The following SAMSN1 variants were observed in gnomAD, a reference collection of about 807,000 sequenced individuals.
The protein encoded by SAMSN1 is SAM domain-containing protein SAMSN-1.
SAMSN1 carries 31 observed loss-of-function variants against 42.0 expected under a neutral mutation model. The ratio of observed to expected loss-of-function variants is 0.74; its 90% CI spans 0.55 to 1.00. The LOEUF (loss-of-function observed/expected upper bound fraction) is 1.00. Among genes scored for constraint, SAMSN1 ranks in the 50% least tolerant of loss-of-function variants. The pLI, the probability that SAMSN1 is intolerant of heterozygous loss-of-function variation, is 0.00. For synonymous variants in SAMSN1, 178 were observed against 151.9 expected (o/e 1.17, Z -1.26); for missense variants, 464 against 439.4 (o/e 1.06, Z -0.50).
chr21:14,623,772 G>A lies in SAMSN1; in HGVS notation c.157-7756C>T, dbSNP rs150811203. Among the ~76,000 whole-genome samples the A allele has an allele frequency of 1.1e-3, 167 of 152,136 alleles. 2 individuals are homozygous for A. The highest frequency in any genetic ancestry group is 4.4e-3 in the East Asian group (23 of 5,180). ...AATTGAACTCAGCTCTGCACCAAGC[G>A]GGCCTAATAGACATCTACAGAACTC... On this transcript the variant is annotated intron_variant, in intron 2 of 15. Transcript: ENST00000647101.
At chr21:14,593,871 T>C (rs1043924099) in intron 7 of SAMSN1, 5 of 532,160 alleles carry the variant, frequency 9.4e-6, no homozygotes, top group Non-Finnish European at 1.7e-5. Flanking sequence ...CCTCTATTTA[T>C]GTTCTTTAGA....
chr21:14,524,002 C>T (rs906646637), intron 1 of SAMSN1, among the ~76,000 whole-genome samples: 1 of 152,074 alleles, frequency 6.6e-6, no homozygotes, highest in Non-Finnish European at 1.5e-5. Flanking sequence ...TGTTAAGACA[C>T]CCTTAAGAAG....
upstream of SAMSN1, among the ~76,000 whole-genome samples, chr21:14,550,781 C>G (rs1980568093): frequency 6.8e-6 from 1 of 147,742 alleles, no homozygotes; most frequent in Non-Finnish European, 1.5e-5. Flanking sequence ...AGGTTCCTTT[C>G]AAGTTGCTGA....
At chr21:14,497,728 C>T (rs1425868157) in intron 7 of SAMSN1, among the ~76,000 whole-genome samples, 1 of 152,058 alleles carries the variant, frequency 6.6e-6, no homozygotes, top group African/African-American at 2.4e-5. Flanking sequence ...CAAAATACTC[C>T]TTGCAGAGTT....
intron 2 of SAMSN1, chr21:14,619,717 TA>T (rs1024050194): frequency 3.6e-6 from 1 of 280,972 alleles, no homozygotes; most frequent in Admixed American, 4.6e-5. Context: ...AATACACACT[TA>T]TTTATTAAAA....
At chr21:14,658,439 A>T (rs948415660) in intron 1 of SAMSN1, among the ~76,000 whole-genome samples, 1 of 151,962 alleles carries the variant, frequency 6.6e-6, no homozygotes, top group Non-Finnish European at 1.5e-5. Flanking sequence ...ATTTTGTCTC[A>T]TAACAAATAG....
Position 14,491,577 on chromosome 21 carries a change from C to T in SAMSN1, c.920-5463G>A, listed in dbSNP as rs184331241. 9.3e-4 allele frequency among the ~76,000 whole-genome samples: 141 copies of T among 152,298 alleles called. 1 individual carries two copies. Among genetic ancestry groups the T allele is most frequent in the Non-Finnish European group, 7.1e-4 (48 of 68,014 alleles). ...AACCCTTATCTATCTAACCACTTCA[C>T]CCAATTAGCTAGCCTATTTCAAGCT... is the stretch of plus-strand genomic sequence containing the variant. On this transcript the variant is annotated intron_variant, in intron 7 of 7. Transcript: ENST00000400566.
At chr21:14,518,954 A>G (rs182047087) in intron 2 of SAMSN1, among the ~76,000 whole-genome samples, 2 of 152,268 alleles carry the variant, frequency 1.3e-5, no homozygotes, top group East Asian at 3.9e-4. Flanking sequence ...GTGTTACTCT[A>G]CCATTTCTAA....
At chr21:14,533,687 G>A (rs934915445) in intron 1 of SAMSN1, among the ~76,000 whole-genome samples, 4 of 152,186 alleles carry the variant, frequency 2.6e-5, no homozygotes, top group Admixed American at 2.6e-4. Flanking sequence ...AACCAAGCGA[G>A]CATTGATTTG....
intron 6 of SAMSN1, among the ~76,000 whole-genome samples, chr21:14,499,491 C>CAA (rs11301197): frequency 0.013 from 1,753 of 133,772 alleles, 10 homozygotes; most frequent in African/African-American, 0.024. Context: ...CCCTTTTTAA[C>CAA]AAAAAAAAAA....
chr21:14,522,172 G>A (rs1978536622), intron 1 of SAMSN1, among the ~76,000 whole-genome samples: 1 of 152,168 alleles, frequency 6.6e-6, no homozygotes, highest in African/African-American at 2.4e-5. Context: ...AATACCTTTT[G>A]CTTACAAAGC....
Position 14,546,305 on chromosome 21 carries a change from C to G in SAMSN1, c.-44G>C. Reference sequence around the variant, plus strand: ...CTAGTGAGTGCACTTTCTGCTGTTACAGAAACAACTGAAAACAGTCAGCAG... The same window carrying G: ...CTAGTGAGTGCACTTTCTGCTGTTAGAGAAACAACTGAAAACAGTCAGCAG... On this transcript the variant is annotated 5_prime_UTR_variant, in exon 1 of 8. Coordinates refer to ENST00000400566, the MANE Select transcript of SAMSN1 (RefSeq NM_022136.5). The G allele has an allele frequency of 1.9e-6, 3 of 1,611,030 alleles. No individual in the cohort carries two copies. The highest frequency in any genetic ancestry group is 2.5e-6 in the Non-Finnish European group (3 of 1,178,730).
rs569705346 is a variant in SAMSN1 at position 14,625,669 on chromosome 21, G to A, written c.157-9653C>T. On this transcript the variant is annotated intron_variant, in intron 2 of 15. Transcript: ENST00000647101. Reference sequence around the variant, plus strand: ...GAAGATAATTCCATGCTCATGGATAGGAAGAATCAGTATTGTGAAAATGGC... The same window carrying A: ...GAAGATAATTCCATGCTCATGGATAAGAAGAATCAGTATTGTGAAAATGGC... Among the ~76,000 whole-genome samples the A allele has an allele frequency of 5.9e-5, 9 of 152,312 alleles. No individual in the cohort carries two copies. The East Asian group carries it at 1.7e-3, about 29-fold the overall frequency.
chr21:14,652,920 A>G (rs1365340644), intron 1 of SAMSN1, among the ~76,000 whole-genome samples: 2 of 152,116 alleles, frequency 1.3e-5, no homozygotes, highest in Admixed American at 1.3e-4. Context: ...AATGGCAAAC[A>G]GGCATGTGAA....
At chr21:14,653,112 A>C (rs990082482) in intron 1 of SAMSN1, among the ~76,000 whole-genome samples, 6 of 152,088 alleles carry the variant, frequency 3.9e-5, no homozygotes, top group African/African-American at 1.4e-4. Context: ...TACAACCACT[A>C]TGGAGAACAG....
rs370821056 is a variant in SAMSN1 at position 14,582,350 on chromosome 21, C to A, written c.47G>T (p.Ser16Ile). The A allele has an allele frequency of 2.6e-6, 4 of 1,550,004 alleles. No homozygotes were observed. In the East Asian group the frequency reaches 7.3e-5, roughly 28 times the overall value. The change falls in exon 2 of 9, where the codon AGC (serine) becomes ATC (isoleucine). Residue 16 changes from serine (S) to isoleucine (I), a missense_variant. Coordinates refer to the SAMSN1 transcript ENST00000285670. ...TTCCAAGTTGCAGTTATTTAAAGTG[C>A]TGGATCTACCCAGTGATGCAGAAAG... is the stretch of plus-strand genomic sequence containing the variant.
intron 2 of SAMSN1, among the ~76,000 whole-genome samples, chr21:14,562,283 T>TA (rs2123200875): frequency 1.3e-5 from 2 of 152,354 alleles, no homozygotes; most frequent in Admixed American, 1.3e-4. Flanking sequence ...TCAAAATTTC[T>TA]AAAGCTTGTT....
At chr21:14,512,333 A>G (rs1314342354) in intron 4 of SAMSN1, 111 bp downstream of exon 4, 1 of 1,085,728 alleles carries the variant, frequency 9.2e-7, no homozygotes, top group Admixed American at 2.0e-5. Flanking sequence ...CATTTTTACC[A>G]TTTCTCTTAT....
At chr21:14,499,174 A>G (rs1987032926) in intron 6 of SAMSN1, among the ~76,000 whole-genome samples, 1 of 152,350 alleles carries the variant, frequency 6.6e-6, no homozygotes, top group East Asian at 1.9e-4. Context: ...GGAAGCTTTT[A>G]CTAAGCATAG....
Sources: gnomAD v4.1 joint callset for allele counts (sites outside exome capture counted in the v4.1 genomes callset) on GRCh38, gnomAD v4.1.1 for gene constraint, MANE v1.5 for transcripts, NCBI Gene and HGNC (gene_info 2026-07-23, HGNC 2026-07-21) for gene names.